Variants in SYK observed in about 807,000 individuals in gnomAD.
SYK encodes the protein tyrosine-protein kinase SYK.
In SYK, 16 loss-of-function variants were observed where a neutral mutation model predicts 77.8. That is an observed-to-expected ratio of 0.21 (90% confidence interval 0.14 to 0.31). The LOEUF is 0.31. Ranked by LOEUF, SYK falls within the 10% of genes least tolerant of loss-of-function variation. SYK has a pLI of 1.00. For missense variants in SYK, 529 were observed against 814.4 expected, an observed-to-expected ratio of 0.65 and a Z score of 4.26; for synonymous variants, 312 against 308.7, an observed-to-expected ratio of 1.01 and a Z score of -0.11.
chr9:90,826,708 T>C (rs950896723), intron 1 of SYK, among the ~76,000 whole-genome samples: 1 of 152,202 alleles, frequency 6.6e-6, no homozygotes, highest in Non-Finnish European at 1.5e-5. Context: ...CTGGCCCTTC[T>C]TGAGTGTGGA....
At chr9:90,811,243 T>C (rs566199715) in intron 1 of SYK, among the ~76,000 whole-genome samples, 1 of 152,316 alleles carries the variant, frequency 6.6e-6, no homozygotes, top group African/African-American at 2.4e-5. Flanking sequence ...ATATTTAATT[T>C]CAATACTTGT....
intron 3 of SYK, among the ~76,000 whole-genome samples, chr9:90,847,448 T>C (rs1826642937): frequency 6.6e-6 from 1 of 152,204 alleles, no homozygotes; most frequent in Admixed American, 6.5e-5. Flanking sequence ...CACTTTATAT[T>C]GCAGTTGTCC....
At chr9:90,878,418 G>A (rs1564115563) in intron 10 of SYK, among the ~76,000 whole-genome samples, 1 of 152,164 alleles carries the variant, frequency 6.6e-6, no homozygotes, top group Non-Finnish European at 1.5e-5. Flanking sequence ...GACTTTGTAG[G>A]TGAGAAACTG....
At chr9:90,852,773 C>A (rs1384431392) in intron 3 of SYK, among the ~76,000 whole-genome samples, 1 of 152,202 alleles carries the variant, frequency 6.6e-6, no homozygotes, top group Admixed American at 6.5e-5. Flanking sequence ...CAAAAACAGT[C>A]ATTCATTCAA....
intron 1 of SYK, among the ~76,000 whole-genome samples, chr9:90,804,016 CAA>C (rs5899104): frequency 7.8e-5 from 11 of 140,500 alleles, no homozygotes; most frequent in African/African-American, 7.9e-5. Flanking sequence ...TAAGACTTAC[CAA>C]AAAAAAAAAA....
Position 90,895,556 on chromosome 9 carries a change from G to A in SYK, c.1864G>A (p.Val622Met). The change falls in exon 14 of 14, where the codon GTG (valine) becomes ATG (methionine). Residue 622 changes from valine to methionine, a missense_variant. This residue lies in a region of SYK where 208 missense variants were observed against 381.3 expected (regional missense o/e 0.55). Transcript: ENST00000375754. The surrounding 1 kb of genome is among the most constrained non-coding windows in gnomAD (Gnocchi z 4.4). Reference sequence around the variant, plus strand: ...GGAAAACAGGCCCGGATTCGCAGCAGTGGAACTGCGGCTGCGCAATTACTA... The same window carrying A: ...GGAAAACAGGCCCGGATTCGCAGCAATGGAACTGCGGCTGCGCAATTACTA... ...DVENRPGFAA[V>M]ELRLRNYYYD... 1 of 1,614,190 alleles carries A rather than the reference G, an allele frequency of 6.2e-7. No homozygotes were observed.
Position 90,878,938 on chromosome 9 carries a change from T to C in SYK, c.1566T>C (p.Asp522=). Residue 522 remains aspartate, a synonymous_variant, in exon 11 of 14, where the codon GAT becomes GAC. Transcript: ENST00000375754. ...DFGLSKALRA[D]ENYYKAQTHG... ...GACTTTCCAAAGCACTGCGTGCTGA[T>C]GAAAACTACTACAAGGTAAGTACAA... 6.2e-7 allele frequency: 1 copy of C among 1,610,578 alleles called. No individual in the cohort carries two copies. Among genetic ancestry groups the C allele is most frequent in the Non-Finnish European group, 8.5e-7 (1 of 1,176,958 alleles).
intron 1 of SYK, among the ~76,000 whole-genome samples, chr9:90,829,288 CA>C (rs201754721): frequency 0.018 from 2,537 of 138,812 alleles, 59 homozygotes; most frequent in African/African-American, 0.053. Flanking sequence ...GACTCCGTCT[CA>C]AAAAAAAAAA....
chr9:90,814,351 C>A (rs1323188266), intron 1 of SYK, among the ~76,000 whole-genome samples: 4 of 152,194 alleles, frequency 2.6e-5, no homozygotes, highest in African/African-American at 9.7e-5. Context: ...CATGTGGCCA[C>A]TGACCGCTCA....
chr9:90,849,040 G>C (rs1036817950), intron 3 of SYK, among the ~76,000 whole-genome samples: 1 of 152,210 alleles, frequency 6.6e-6, no homozygotes, highest in Non-Finnish European at 1.5e-5. Context: ...CACTGGCAGA[G>C]AGTGAGTGGA....
At chr9:90,854,947 A>T (rs919626114) in intron 3 of SYK, among the ~76,000 whole-genome samples, 4 of 150,154 alleles carry the variant, frequency 2.7e-5, no homozygotes, top group African/African-American at 9.8e-5. Flanking sequence ...GTCTGCACAC[A>T]CTCCCATCCC....
chr9:90,862,743 T>A (rs887800422), intron 4 of SYK, among the ~76,000 whole-genome samples: 23 of 152,170 alleles, frequency 1.5e-4, no homozygotes, highest in Middle Eastern at 3.2e-3. Flanking sequence ...CCTAGGATAT[T>A]CTAACTAGAG....
intron 1 of SYK, among the ~76,000 whole-genome samples, chr9:90,808,283 A>G (rs1036884599): frequency 6.6e-6 from 1 of 151,998 alleles, no homozygotes; most frequent in Non-Finnish European, 1.5e-5. Flanking sequence ...CAAGGAATGT[A>G]GTTACTTCTT....
chr9:90,872,739 G>A (rs1408948214), intron 7 of SYK, among the ~76,000 whole-genome samples: 1 of 152,226 alleles, frequency 6.6e-6, no homozygotes, highest in African/African-American at 2.4e-5. Context: ...ACATCTCCTA[G>A]TTTTTAGAAG....
rs771204624 is a variant in SYK, at chr9:90,867,155, T to C, written c.871T>C (p.Ser291Pro). ...GACTTGGTCAGCGGGTGGAATAATC[T>C]CAAGAATCAAATCATACTCCTTCCC... ...PATWSAGGII[S>P]RIKSYSFPKP... Residue 291 changes from serine to proline, a missense_variant, in exon 7 of 14, where the codon TCA (serine) becomes CCA (proline). Transcript: ENST00000375754. 1.9e-6 allele frequency: 3 copies of C among 1,614,130 alleles called. No homozygotes were observed. The highest frequency in any genetic ancestry group is 2.5e-6 in the Non-Finnish European group (3 of 1,180,026).
At chr9:90,803,101 G>A (rs1489487305) in intron 1 of SYK, among the ~76,000 whole-genome samples, 1 of 152,198 alleles carries the variant, frequency 6.6e-6, no homozygotes, top group African/African-American at 2.4e-5. Context: ...AAATTATTAA[G>A]TGTTTTAAGT....
intron 1 of SYK, among the ~76,000 whole-genome samples, chr9:90,828,829 G>C (rs79425039): frequency 6.6e-6 from 1 of 152,082 alleles, no homozygotes; most frequent in South Asian, 2.1e-4. Context: ...AGCACAGCAC[G>C]GTGACTTGAC....
In SYK at chr9:90,844,287, A is replaced by G. The variant is rs775510434; in HGVS notation, c.389A>G (p.Glu130Gly). The G allele has an allele frequency of 2.5e-6, 4 of 1,612,386 alleles. No individual in the cohort carries two copies. In the East Asian group the frequency reaches 6.7e-5, roughly 27 times the overall value. ...GATTTGAAGGAAAACCTCATCAGGG[A>G]ATATGTGAAGCAGACATGGAACCTG... ...FEDLKENLIR[E>G]YVKQTWNLQG... The change falls in exon 2 of 14, where the codon GAA becomes GGA. Residue 130 changes from glutamate to glycine, a missense_variant. By Grantham distance (98) the Glu-to-Gly change is moderately conservative. This residue lies in a region of SYK where 321 missense variants were observed against 433.1 expected (regional missense o/e 0.74). Coordinates refer to ENST00000375754, the MANE Select transcript of SYK (RefSeq NM_003177.7).
intron 4 of SYK, 138 bp downstream of exon 4, chr9:90,862,482 A>G: frequency 9.5e-7 from 1 of 1,053,810 alleles, no homozygotes; most frequent in Non-Finnish European, 1.3e-6. Flanking sequence ...GTAGCTCTGG[A>G]GCTCATGAGA....
Sources: gnomAD v4.1 joint callset for allele counts (sites outside exome capture counted in the v4.1 genomes callset) on GRCh38, gnomAD v4.1.1 for gene constraint, gnomAD v4.1.1 regional missense constraint, Gnocchi (gnomAD v3.1) non-coding constraint, MANE v1.5 for transcripts, NCBI Gene and HGNC (gene_info 2026-07-23, HGNC 2026-07-21) for gene names.